Variants in SPOCK3 observed in about 807,000 individuals in gnomAD.
SPOCK3 encodes the protein testican-3.
Under a neutral mutation model 56.6 loss-of-function variants are expected in SPOCK3, and 30 were observed. That is an observed-to-expected ratio of 0.53 (90% CI 0.40 to 0.72). SPOCK3 has a LOEUF of 0.72. Ranked by LOEUF, SPOCK3 falls within the 30% of genes least tolerant of loss-of-function variation. The pLI, the probability that SPOCK3 is intolerant of heterozygous loss-of-function variation, is 0.00. For synonymous variants in SPOCK3, 196 were observed against 183.3 expected, an observed-to-expected ratio of 1.07 and a Z score of -0.56; for missense variants, 527 against 530.0, an observed-to-expected ratio of 0.99 and a Z score of 0.06.
At chr4:166,910,283 T>G (rs1451718004) in intron 5 of SPOCK3, among the ~76,000 whole-genome samples, 3 of 152,166 alleles carry the variant, frequency 2.0e-5, no homozygotes, top group Non-Finnish European at 2.9e-5. Flanking sequence ...GCATGCTTTT[T>G]GTAATGTCTT....
In SPOCK3 at chr4:166,900,179, T is replaced by C. The variant is rs566667146; in HGVS notation, c.475-10935A>G. ...GTCTCTGACAGCATCACTGTACCGT[T>C]TAAAACTAATCTGTGTCATATGTTT... On this transcript the variant is annotated intron_variant, in intron 5 of 10. Coordinates refer to ENST00000357545, the MANE Select transcript of SPOCK3 (RefSeq NM_001040159.2). Among the ~76,000 whole-genome samples the C allele has an allele frequency of 3.3e-5, 5 of 152,308 alleles. No homozygotes were observed. The South Asian group carries it at 8.3e-4, about 25-fold the overall frequency.
At chr4:167,179,796 T>C (rs1731294020) in intron 2 of SPOCK3, among the ~76,000 whole-genome samples, 1 of 152,170 alleles carries the variant, frequency 6.6e-6, no homozygotes, top group Non-Finnish European at 1.5e-5. Context: ...TTTAGGCATG[T>C]CTCTTAGGAG....
intron 3 of SPOCK3, among the ~76,000 whole-genome samples, chr4:167,061,422 T>A (rs1044897970): frequency 2.0e-5 from 3 of 151,956 alleles, no homozygotes; most frequent in African/African-American, 4.8e-5. Context: ...TGGATAATAG[T>A]GAAATCAAAT....
At chr4:166,938,869 T>C (rs1740748337) in intron 4 of SPOCK3, among the ~76,000 whole-genome samples, 2 of 152,116 alleles carry the variant, frequency 1.3e-5, no homozygotes, top group South Asian at 4.1e-4. Flanking sequence ...AAGACAAATA[T>C]ATCAGTGGTT....
intron 3 of SPOCK3, among the ~76,000 whole-genome samples, chr4:167,059,112 C>A (rs1050960458): frequency 5.9e-5 from 9 of 152,020 alleles, no homozygotes; most frequent in African/African-American, 1.2e-4. Context: ...ATGTCTAAAA[C>A]ACCAAAAGCA....
At chr4:167,223,330 A>T (rs1736254267) in intron 2 of SPOCK3, among the ~76,000 whole-genome samples, 1 of 145,460 alleles carries the variant, frequency 6.9e-6, no homozygotes, top group Non-Finnish European at 1.5e-5. Context: ...ATAAGCATAT[A>T]TATTTATATA....
intron 2 of SPOCK3, among the ~76,000 whole-genome samples, chr4:167,126,417 T>C (rs1163467617): frequency 6.6e-6 from 1 of 152,050 alleles, no homozygotes; most frequent in Admixed American, 6.5e-5. Context: ...GGCGTGATGG[T>C]GCACACCTGA....
chr4:166,739,713 TTTCTGTGACCAGAAGCATAATAGTTA>T (rs1283310846), intron 9 of SPOCK3, among the ~76,000 whole-genome samples: 1 of 151,398 alleles, frequency 6.6e-6, no homozygotes, highest in African/African-American at 2.4e-5. Context: ...ACTTTTTTTT[TTTCTGTGACCAGAAGCATAATAGTTA>T]TTTGGTGAAA....
At chr4:166,905,004 C>G (rs1485583236) in intron 5 of SPOCK3, among the ~76,000 whole-genome samples, 1 of 151,990 alleles carries the variant, frequency 6.6e-6, no homozygotes, top group Non-Finnish European at 1.5e-5. Context: ...GGCTCTGATT[C>G]CAGCATTGTA....
At chr4:166,980,613 G>A (rs577488598) in intron 4 of SPOCK3, among the ~76,000 whole-genome samples, 1 of 152,356 alleles carries the variant, frequency 6.6e-6, no homozygotes, top group Non-Finnish European at 1.5e-5. Context: ...GCATGAGCAA[G>A]CGTGGGGTCC....
chr4:167,011,816 T>C (rs1364282229), intron 3 of SPOCK3, among the ~76,000 whole-genome samples: 1 of 152,128 alleles, frequency 6.6e-6, no homozygotes, highest in African/African-American at 2.4e-5. Flanking sequence ...TTATATTCCA[T>C]CCTTCATTTA....
At chr4:167,163,758 A>G (rs1765522208) in intron 2 of SPOCK3, among the ~76,000 whole-genome samples, 1 of 152,124 alleles carries the variant, frequency 6.6e-6, no homozygotes, top group African/African-American at 2.4e-5. Flanking sequence ...TGTGTTCTTT[A>G]TACCAGATTT....
In SPOCK3 at chr4:166,899,508, C is replaced by CTTTTTTTTTTTTTT. The variant is rs781766258; in HGVS notation, c.475-10278_475-10265dup. ...ATCTGTTCAGTGTATTTCTTTCTTTCTTTTTTTTTTTTTTTTGAGACAGAG... is the reference window on the plus strand; with the variant it reads ...ATCTGTTCAGTGTATTTCTTTCTTTCTTTTTTTTTTTTTTTTTTTTTTTTTTTTTTGAGACAGAG... On this transcript the variant is annotated intron_variant, in intron 5 of 10. Coordinates refer to ENST00000357545, the MANE Select transcript of SPOCK3 (RefSeq NM_001040159.2). Among the ~76,000 whole-genome samples the CTTTTTTTTTTTTTT allele has an allele frequency of 1.7e-3, 202 of 119,092 alleles. 4 individuals carry two copies. The highest frequency in any genetic ancestry group is 2.7e-3 in the Non-Finnish European group (162 of 59,238). The allele number at this position is 119,092 out of a possible 152,430, so 78.1% of individuals were successfully genotyped here.
At chr4:167,171,779 T>A (rs913971848) in intron 2 of SPOCK3, among the ~76,000 whole-genome samples, 5 of 152,216 alleles carry the variant, frequency 3.3e-5, no homozygotes, top group African/African-American at 9.6e-5. Flanking sequence ...AATTTCTGTC[T>A]TATTAGGCAT....
intron 6 of SPOCK3, among the ~76,000 whole-genome samples, chr4:166,846,704 G>A (rs1404072458): frequency 6.6e-6 from 1 of 152,024 alleles, no homozygotes; most frequent in African/African-American, 2.4e-5. Flanking sequence ...TAATACTGTA[G>A]TGTTATGTTT....
chr4:166,991,086 T>C (rs1279978889), intron 4 of SPOCK3, among the ~76,000 whole-genome samples: 1 of 152,040 alleles, frequency 6.6e-6, no homozygotes, highest in Non-Finnish European at 1.5e-5. Flanking sequence ...GGAGCCTCTT[T>C]TTTTAAGTCT....
At chr4:167,072,385 T>C (rs1478679125) in intron 2 of SPOCK3, among the ~76,000 whole-genome samples, 1 of 152,032 alleles carries the variant, frequency 6.6e-6, no homozygotes, top group Non-Finnish European at 1.5e-5. Flanking sequence ...CAGAGTTCAG[T>C]AGTTATGACT....
At chr4:166,942,308 T>A (rs1741169225) in intron 4 of SPOCK3, among the ~76,000 whole-genome samples, 1 of 151,816 alleles carries the variant, frequency 6.6e-6, no homozygotes, top group Non-Finnish European at 1.5e-5. Context: ...CCTCCTGGGT[T>A]CAAGTGATTT....
chr4:167,234,874 T>C (rs1737561008), upstream of SPOCK3: 1 of 152,324 alleles, frequency 6.6e-6, no homozygotes, highest in Non-Finnish European at 1.5e-5. Context: ...TAACACAAAG[T>C]GTACTATCTC....
Sources: gnomAD v4.1 joint callset for allele counts (sites outside exome capture counted in the v4.1 genomes callset) on GRCh38, gnomAD v4.1.1 for gene constraint, MANE v1.5 for transcripts, NCBI Gene and HGNC (gene_info 2026-07-23, HGNC 2026-07-21) for gene names.